The following PARP11 variants were observed in gnomAD, a reference collection of about 807,000 sequenced individuals.
PARP11 encodes protein mono-ADP-ribosyltransferase PARP11.
PARP11 carries 31 observed loss-of-function variants against 42.9 expected under a neutral mutation model. The ratio of observed to expected loss-of-function variants is 0.72; its 90% CI spans 0.54 to 0.98. The LOEUF is 0.98. Among genes scored for constraint, PARP11 ranks in the 50% least tolerant of loss-of-function variants. PARP11 has a pLI of 0.00. For missense variants in PARP11, 365 were observed against 413.1 expected, an observed-to-expected ratio of 0.88 and a Z score of 1.01; for synonymous variants, 137 against 127.3, an observed-to-expected ratio of 1.08 and a Z score of -0.51.
Position 3,872,126 on chromosome 12 carries a change from C to T in PARP11, c.18+1086G>A, listed in dbSNP as rs566624163. On this transcript the variant is annotated intron_variant, in intron 1 of 7. Transcript: ENST00000228820. ...TCATTCCAGAAGGGACCTTCCTCCT[C>T]CGTAGGAGGAAGAAATGATACACAG... Among the ~76,000 whole-genome samples, 22 of 152,278 alleles carry T rather than the reference C, an allele frequency of 1.4e-4. No individual in the cohort carries two copies. The South Asian group carries it at 4.1e-3, about 29-fold the overall frequency.
intron 1 of PARP11, among the ~76,000 whole-genome samples, chr12:3,850,886 C>T (rs556828773): frequency 6.6e-6 from 1 of 152,226 alleles, no homozygotes; most frequent in South Asian, 2.1e-4. Context: ...GAAGGACCAA[C>T]TATGAAAGTT....
rs567817866 is a variant in PARP11 at position 3,834,634 on chromosome 12, C to CAAA, written c.19-4619_19-4617dup. Among the ~76,000 whole-genome samples the CAAA allele has an allele frequency of 7.1e-4, 49 of 69,362 alleles. 1 individual carries two copies. Among genetic ancestry groups the CAAA allele is most frequent in the East Asian group, 6.6e-4 (2 of 3,044 alleles). The allele number at this position is 69,362 out of a possible 152,430, so 45.5% of individuals were successfully genotyped here. ...GGGCGACAAGAGCGACACTCCATCTCAAAAAAAAAAAAAAAAAGAAAGAAA... is the reference window on the plus strand; with the variant it reads ...GGGCGACAAGAGCGACACTCCATCTCAAAAAAAAAAAAAAAAAAAAGAAAGAAA... On this transcript the variant is annotated intron_variant, in intron 1 of 7. Coordinates refer to ENST00000228820, the MANE Select transcript of PARP11 (RefSeq NM_020367.6).
In PARP11 at chr12:3,809,412, C is replaced by T. The variant is rs1004201769; in HGVS notation, c.*2711G>A. On this transcript the variant is annotated 3_prime_UTR_variant, in exon 8 of 8. Transcript: ENST00000228820. The stretch of plus-strand genomic sequence containing the variant: ...AACAACAACAACAAGCCCCAAAAAA[C>T]CGGTATAGTACCTTCTTACAATGGC... The T allele has an allele frequency of 5.3e-5, 8 of 152,308 alleles. No individual in the cohort carries two copies. The East Asian group carries it at 9.6e-4, about 18-fold the overall frequency. The allele number at this position is 152,308 out of a possible 1,614,324, so 9.4% of individuals were successfully genotyped here.
chr12:3,872,818 C>A, intron 1 of PARP11: 1 of 985,184 alleles, frequency 1.0e-6, no homozygotes, highest in Non-Finnish European at 1.2e-6. Flanking sequence ...TGAAGGCAGT[C>A]GGGAGGCTGA....
Position 3,812,391 on chromosome 12 carries a change from T to A in PARP11, c.749A>T (p.Asp250Val). 6.2e-7 allele frequency: 1 copy of A among 1,614,186 alleles called. No homozygotes were observed. Among genetic ancestry groups the A allele is most frequent in the Middle Eastern group, 1.6e-4 (1 of 6,062 alleles). The change falls in exon 8 of 8, where the codon GAT becomes GTT. Residue 250 changes from aspartate (D) to valine (V), a missense_variant. Physicochemically the swap from Asp to Val is radical, Grantham distance 152 (BLOSUM62 -3). Transcript: ENST00000228820. Reference sequence around the variant, plus strand: ...GAATGTGTTCCCATGCTTTATGTCATCTTTGCAGAAACGACTGGAATAAGC... The same window carrying A: ...GAATGTGTTCCCATGCTTTATGTCAACTTTGCAGAAACGACTGGAATAAGC... ...DAAYSSRFCKDDIKHGNTFQI... is the reference protein window; with the variant it reads ...DAAYSSRFCKVDIKHGNTFQI...
intron 1 of PARP11, among the ~76,000 whole-genome samples, chr12:3,833,591 C>T (rs1947693066): frequency 6.6e-6 from 1 of 152,088 alleles, no homozygotes. Flanking sequence ...CACGGCAGAA[C>T]CCTGCCTCAC....
intron 6 of PARP11, among the ~76,000 whole-genome samples, 163 bp downstream of exon 6, chr12:3,821,710 T>C (rs996238244): frequency 6.6e-6 from 1 of 152,158 alleles, no homozygotes; most frequent in Non-Finnish European, 1.5e-5. Context: ...AGAGCACCTC[T>C]TTCACTCCCT....
chr12:3,832,603 G>A (rs1341735483), intron 1 of PARP11, among the ~76,000 whole-genome samples: 1 of 152,130 alleles, frequency 6.6e-6, no homozygotes, highest in Non-Finnish European at 1.5e-5. Flanking sequence ...TCTACAGTAA[G>A]TTTTCTCTCC....
intron 1 of PARP11, chr12:3,842,580 A>G (rs1947913801): frequency 1.7e-6 from 2 of 1,169,118 alleles, no homozygotes; most frequent in Non-Finnish European, 2.5e-6. Flanking sequence ...AAGGCTTTAA[A>G]AAACTACAAT....
At chr12:3,832,490 T>G (rs1370789399) in intron 1 of PARP11, among the ~76,000 whole-genome samples, 1 of 152,206 alleles carries the variant, frequency 6.6e-6, no homozygotes, top group Non-Finnish European at 1.5e-5. Context: ...GACAGTTATT[T>G]CTCCTCTCCT....
Position 3,812,265 on chromosome 12 carries a change from G to C in PARP11, c.875C>G (p.Ser292Cys). ...TTTGGAAGGAGGTCGCATGTATTTGGAGTCTCCGTTTATGTAATCTCCAAT... is the reference window on the plus strand; with the variant it reads ...TTTGGAAGGAGGTCGCATGTATTTGCAGTCTCCGTTTATGTAATCTCCAAT... ...VLIGDYINGD[S>C]KYMRPPSKDG... Residue 292 changes from serine (S) to cysteine (C), a missense_variant, in exon 8 of 8, where the codon TCC (serine) becomes TGC (cysteine). Physicochemically the swap from Ser to Cys is moderately radical, Grantham distance 112. Transcript: ENST00000228820. The C allele has an allele frequency of 6.2e-7, 1 of 1,614,176 alleles. No individual in the cohort carries two copies. Among genetic ancestry groups the C allele is most frequent in the South Asian group, 1.1e-5 (1 of 91,086 alleles).
intron 2 of PARP11, among the ~76,000 whole-genome samples, chr12:3,829,468 A>G (rs547349137): frequency 1.2e-3 from 189 of 152,300 alleles, no homozygotes; most frequent in Non-Finnish European, 2.2e-3. Context: ...TGTGAGTTTC[A>G]CTTTCCTTGA....
At position 3,873,192 on chromosome 12, in the gene PARP11, CG is replaced by C; in HGVS notation, c.18+19del. 1.3e-6 allele frequency: 2 copies of C among 1,542,716 alleles called. No individual in the cohort carries two copies. The highest frequency in any genetic ancestry group is 8.8e-7 in the Non-Finnish European group (1 of 1,140,660). ...TCAACCCCGCCCCCTGGGCCCGCCCCGTCCCGCCCGGCTACTCACTGGATTC... is the reference window on the plus strand; with the variant it reads ...TCAACCCCGCCCCCTGGGCCCGCCCCTCCCGCCCGGCTACTCACTGGATTC... On this transcript the variant is annotated intron_variant, in intron 1 of 7. Coordinates refer to ENST00000228820, the MANE Select transcript of PARP11 (RefSeq NM_020367.6).
intron 1 of PARP11, among the ~76,000 whole-genome samples, chr12:3,839,214 C>G (rs1374476830): frequency 6.7e-6 from 1 of 149,946 alleles, no homozygotes; most frequent in African/African-American, 2.4e-5. Context: ...CCCGAGCCGC[C>G]GCCTACCCCA....
chr12:3,826,702 T>A (rs1405439286), intron 3 of PARP11, among the ~76,000 whole-genome samples: 1 of 152,192 alleles, frequency 6.6e-6, no homozygotes, highest in Non-Finnish European at 1.5e-5. Context: ...TTTCAAAAAT[T>A]TCTACATTTC....
At chr12:3,834,316 GA>G (rs930761017) in intron 1 of PARP11, among the ~76,000 whole-genome samples, 1 of 152,192 alleles carries the variant, frequency 6.6e-6, no homozygotes, top group African/African-American at 2.4e-5. Context: ...ACAGAGAGCA[GA>G]ACCCCATGCC....
In PARP11 at chr12:3,821,930, T is replaced by C. The variant is rs775827919; in HGVS notation, c.491A>G (p.Asn164Ser). ...AATTCTCTGAATTCTTTTAATTCGG[T>C]TGCGATCCATCGTCTTCCCAAAGAG... ...ANLFGKTMDR[N>S]RIKRIQRIQN... The change falls in exon 6 of 8, where the codon AAC (asparagine) becomes AGC (serine). Residue 164 changes from asparagine (N) to serine (S), a missense_variant. By Grantham distance (46) the Asn-to-Ser change is conservative (BLOSUM62 1). Transcript: ENST00000228820. The C allele has an allele frequency of 1.9e-6, 3 of 1,611,126 alleles. No homozygotes were observed. The highest frequency in any genetic ancestry group is 2.7e-5 in the African/African-American group (2 of 74,674).
intron 1 of PARP11, among the ~76,000 whole-genome samples, chr12:3,843,326 A>T (rs1038729388): frequency 1.3e-5 from 2 of 152,248 alleles, no homozygotes; most frequent in Non-Finnish European, 2.9e-5. Context: ...TTTTGAAAAT[A>T]ATCTGCATCA....
chr12:3,811,952 C>T lies in PARP11; in HGVS notation c.*171G>A, dbSNP rs941302635. On this transcript the variant is annotated 3_prime_UTR_variant, in exon 8 of 8. Transcript: ENST00000228820. ...CTACAAGAAACAGGCAAAAACAAAA[C>T]AACAAAAACCAACCTTGAAGTCAGT... The T allele has an allele frequency of 1.8e-6, 1 of 550,328 alleles. No homozygotes were observed. The highest frequency in any genetic ancestry group is 3.0e-5 in the East Asian group (1 of 33,236). The allele number at this position is 550,328 out of a possible 1,614,324, so 34.1% of individuals were successfully genotyped here.
Sources: gnomAD v4.1 joint callset for allele counts (sites outside exome capture counted in the v4.1 genomes callset) on GRCh38, gnomAD v4.1.1 for gene constraint, MANE v1.5 for transcripts, NCBI Gene and HGNC (gene_info 2026-07-23, HGNC 2026-07-21) for gene names.